ASIC2: variants seen among roughly 807,000 people sequenced by gnomAD.
The protein encoded by ASIC2 is acid-sensing ion channel 2.
Under a neutral mutation model 57.3 loss-of-function variants are expected in ASIC2, and 25 were observed. The ratio of observed to expected loss-of-function variants is 0.44; its 90% CI spans 0.32 to 0.61. The LOEUF is 0.61. Ranked by LOEUF, ASIC2 falls within the 20% of genes least tolerant of loss-of-function variation. The pLI is 0.06. For synonymous variants in ASIC2, 319 were observed against 307.5 expected, an observed-to-expected ratio of 1.04 and a Z score of -0.39; for missense variants, 641 against 738.1, an observed-to-expected ratio of 0.87 and a Z score of 1.52.
chr17:33,476,351 T>C (rs1567624771), intron 1 of ASIC2, among the ~76,000 whole-genome samples: 1 of 152,158 alleles, frequency 6.6e-6, no homozygotes, highest in Admixed American at 6.5e-5. Context: ...GGTTACTAAA[T>C]CTTATTCCAC....
intron 1 of ASIC2, among the ~76,000 whole-genome samples, chr17:33,585,266 C>T (rs1904586718): frequency 6.6e-6 from 1 of 152,182 alleles, no homozygotes; most frequent in African/African-American, 2.4e-5. Context: ...GATGTACTCC[C>T]TTGTCAGCCT....
chr17:33,247,145 G>A (rs117335511), intron 1 of ASIC2, among the ~76,000 whole-genome samples: 3,436 of 152,274 alleles, frequency 0.023, 53 homozygotes, highest in Middle Eastern at 0.065. Context: ...AATAATGTGT[G>A]AGCCACATTC....
chr17:33,620,940 C>T lies in ASIC2; in HGVS notation c.556-508873G>A, dbSNP rs560935034. Among the ~76,000 whole-genome samples, 7 of 152,196 alleles carry T rather than the reference C, an allele frequency of 4.6e-5. No individual in the cohort carries two copies. The South Asian group carries it at 1.0e-3, about 23-fold the overall frequency. On this transcript the variant is annotated intron_variant, in intron 1 of 9. Coordinates refer to the ASIC2 transcript ENST00000359872. Reference sequence around the variant, plus strand: ...CCCCTTCCACCATCACTCATGGACCCGCTGGCCGTCCTTCTTTTCTTGCAC... The same window carrying T: ...CCCCTTCCACCATCACTCATGGACCTGCTGGCCGTCCTTCTTTTCTTGCAC...
chr17:33,231,874 G>A lies in ASIC2; in HGVS notation c.708+59534C>T, dbSNP rs772612956. 9.9e-5 allele frequency among the ~76,000 whole-genome samples: 15 copies of A among 152,218 alleles called. No individual in the cohort carries two copies. In the Middle Eastern group the frequency reaches 0.01, roughly 104 times the overall value. ...CAAAATTGAGATGAGCAATGGGGAG[G>A]GGGTGAGCAGGGAGCCTGTCCTCTC... On this transcript the variant is annotated intron_variant, in intron 1 of 9. Coordinates refer to ENST00000225823, the MANE Select transcript of ASIC2 (RefSeq NM_183377.2).
At chr17:33,926,616 T>C (rs143757428) in intron 1 of ASIC2, among the ~76,000 whole-genome samples, 1 of 152,380 alleles carries the variant, frequency 6.6e-6, no homozygotes, top group African/African-American at 2.4e-5. Context: ...TTCCTGACTC[T>C]GAATTTTGAT....
intron 1 of ASIC2, among the ~76,000 whole-genome samples, chr17:33,964,435 C>T (rs1319290871): frequency 6.6e-6 from 1 of 152,230 alleles, no homozygotes; most frequent in African/African-American, 2.4e-5. Flanking sequence ...TATTCCCTGG[C>T]TACAAAGGAC....
Position 34,066,145 on chromosome 17 carries a change from G to A in ASIC2, c.555+89833C>T, listed in dbSNP as rs569553933. Among the ~76,000 whole-genome samples the A allele has an allele frequency of 1.9e-4, 29 of 152,216 alleles. No individual in the cohort carries two copies. In the South Asian group the frequency reaches 5.2e-3, roughly 27 times the overall value. On this transcript the variant is annotated intron_variant, in intron 1 of 9. Transcript: ENST00000359872. ...CTTTAGAATAACTATGAGTGGGGAA[G>A]GCCTGACTTAAGGAGATGAAAATCT...
At chr17:33,692,947 T>A (rs1218774278) in intron 1 of ASIC2, among the ~76,000 whole-genome samples, 1 of 152,258 alleles carries the variant, frequency 6.6e-6, no homozygotes, top group Non-Finnish European at 1.5e-5. Context: ...ATCGCATATT[T>A]TAAATCTTTA....
At chr17:33,142,695 C>T (rs1026232136) in intron 1 of ASIC2, among the ~76,000 whole-genome samples, 1 of 152,180 alleles carries the variant, frequency 6.6e-6, no homozygotes, top group Non-Finnish European at 1.5e-5. Flanking sequence ...AGTTCCATGA[C>T]CACACCCTCT....
chr17:33,549,134 C>T (rs1446756108), intron 1 of ASIC2, among the ~76,000 whole-genome samples: 3 of 152,082 alleles, frequency 2.0e-5, no homozygotes, highest in Non-Finnish European at 4.4e-5. Context: ...TAGAACAGTG[C>T]CCGGGACATG....
At chr17:33,215,675 T>C (rs1907449857) in intron 1 of ASIC2, among the ~76,000 whole-genome samples, 1 of 151,858 alleles carries the variant, frequency 6.6e-6, no homozygotes, top group Admixed American at 6.6e-5. Context: ...TTTAAATGCA[T>C]TTTCCCAAAT....
chr17:34,010,359 T>C (rs1349360380), intron 1 of ASIC2, among the ~76,000 whole-genome samples: 3 of 152,150 alleles, frequency 2.0e-5, no homozygotes, highest in Non-Finnish European at 2.9e-5. Flanking sequence ...CTAAAGCCTC[T>C]AGTGGCCTCC....
intron 1 of ASIC2, among the ~76,000 whole-genome samples, chr17:33,407,175 C>T (rs1040973618): frequency 3.9e-5 from 6 of 152,176 alleles, no homozygotes; most frequent in African/African-American, 7.2e-5. Flanking sequence ...ATTGGGCATT[C>T]GCCAATGTGT....
At chr17:33,239,290 CAAAA>C (rs201050421) in intron 1 of ASIC2, among the ~76,000 whole-genome samples, 2 of 145,636 alleles carry the variant, frequency 1.4e-5, no homozygotes, top group African/African-American at 5.0e-5. Context: ...GACTCCGTCT[CAAAA>C]AAAAAAAGTC....
At chr17:33,610,618 C>G (rs1395099598) in intron 1 of ASIC2, among the ~76,000 whole-genome samples, 1 of 152,050 alleles carries the variant, frequency 6.6e-6, no homozygotes. Flanking sequence ...CATCCCAACA[C>G]TTTGGGAGGC....
chr17:33,806,309 A>T (rs1206838583), intron 1 of ASIC2, among the ~76,000 whole-genome samples: 1 of 152,270 alleles, frequency 6.6e-6, no homozygotes, highest in East Asian at 1.9e-4. Context: ...GTTTATGAAT[A>T]CTTAAATTTG....
rs147184881 is a variant in ASIC2, at chr17:33,785,050, G to C, written c.555+370928C>G. On this transcript the variant is annotated intron_variant, in intron 1 of 9. Transcript: ENST00000359872. ...CTATGTTGAAGTCCTAACTCCCAGG[G>C]CTTCAGAATATTACTATATTTGGAG... Among the ~76,000 whole-genome samples, 491 of 152,172 alleles carry C rather than the reference G, an allele frequency of 3.2e-3. 4 individuals are homozygous for C. Among genetic ancestry groups the C allele is most frequent in the African/African-American group, 0.011 (475 of 41,506 alleles).
At chr17:33,542,304 C>G (rs1839194378) in intron 1 of ASIC2, among the ~76,000 whole-genome samples, 1 of 146,838 alleles carries the variant, frequency 6.8e-6, no homozygotes, top group Admixed American at 6.8e-5. Context: ...AGTTCTAGAT[C>G]CCTGAGGAAT....
At chr17:33,452,738 G>GGGGT (rs1555535324) in intron 1 of ASIC2, among the ~76,000 whole-genome samples, 165 of 140,508 alleles carry the variant, frequency 1.2e-3, no homozygotes, top group Middle Eastern at 7.2e-3. Flanking sequence ...AACAGAGTGG[G>GGGGT]GTGTGTGTGT....
Sources: gnomAD v4.1 joint callset for allele counts (sites outside exome capture counted in the v4.1 genomes callset) on GRCh38, gnomAD v4.1.1 for gene constraint, MANE v1.5 for transcripts, NCBI Gene and HGNC (gene_info 2026-07-23, HGNC 2026-07-21) for gene names.